Variants in WASF3 observed in about 807,000 individuals in gnomAD.
The protein encoded by WASF3 is WASP family member 3.
In WASF3, 11 loss-of-function variants were observed where a neutral mutation model predicts 46.6. That is an observed-to-expected ratio of 0.24 (90% CI 0.15 to 0.39). WASF3 has a LOEUF of 0.39. Among genes scored for constraint, WASF3 ranks in the 10% least tolerant of loss-of-function variants. The pLI, the probability that WASF3 is intolerant of heterozygous loss-of-function variation, is 1.00. For synonymous variants in WASF3, 242 were observed against 259.7 expected, an observed-to-expected ratio of 0.93 and a Z score of 0.65; for missense variants, 576 against 669.8, an observed-to-expected ratio of 0.86 and a Z score of 1.55.
intron 6 of WASF3, among the ~76,000 whole-genome samples, chr13:26,675,140 A>C (rs925457618): frequency 6.6e-6 from 1 of 151,500 alleles, no homozygotes; most frequent in African/African-American, 2.4e-5. Context: ...CCCTCTTTTA[A>C]TTTGTTTTCT....
chr13:26,557,751 C>A lies in WASF3; in HGVS notation c.-177C>A, dbSNP rs927557748. ...TGTGGTGCGAGGCGGGTGCGCCGGG[C>A]GGCCGCGGCGCGGCGGGACCATGGA... On this transcript the variant is annotated 5_prime_UTR_variant, in exon 1 of 10. Coordinates refer to ENST00000335327, the MANE Select transcript of WASF3 (RefSeq NM_006646.6). 17 of 227,856 alleles carry A rather than the reference C, an allele frequency of 7.5e-5. No homozygotes were observed. Among genetic ancestry groups the A allele is most frequent in the African/African-American group, 3.7e-4 (16 of 42,776 alleles). 14.1% of individuals were successfully genotyped at this position (227,856 alleles called of 1,614,324 possible). A position where few individuals can be genotyped will look rare whatever the true frequency, so the allele number is the denominator to read the frequency against.
intron 1 of WASF3, among the ~76,000 whole-genome samples, chr13:26,611,953 A>G (rs1880995302): frequency 6.6e-6 from 1 of 152,050 alleles, no homozygotes; most frequent in Non-Finnish European, 1.5e-5. Context: ...AGTAGACTCA[A>G]AGTTGCTTTT....
chr13:26,605,641 A>G (rs1370876796), intron 1 of WASF3, among the ~76,000 whole-genome samples: 3 of 152,226 alleles, frequency 2.0e-5, no homozygotes, highest in African/African-American at 7.2e-5. Flanking sequence ...GGATCAAAGT[A>G]TTAGGATCCA....
rs138210335 is a variant in WASF3, at chr13:26,681,402, C to T, written c.983+82C>T. ...CTATGTGGTAGGAGAATTTTAACTC[C>T]GGTATTTTAGAGGCCAAGATAGAGT... On this transcript the variant is annotated intron_variant, in intron 8 of 9. Transcript: ENST00000335327. The T allele has an allele frequency of 1.5e-3, 2,174 of 1,464,756 alleles. 54 individuals carry two copies. In the Admixed American group the frequency reaches 0.046, roughly 31 times the overall value. The allele number at this position is 1,464,756 out of a possible 1,614,324, so 90.7% of individuals were successfully genotyped here.
At chr13:26,649,386 C>T (rs528681920) in intron 3 of WASF3, among the ~76,000 whole-genome samples, 86 of 152,252 alleles carry the variant, frequency 5.6e-4, no homozygotes, top group African/African-American at 1.4e-3. Context: ...TAAGTACTTT[C>T]GAGTAGTTAT....
At chr13:26,595,120 C>T (rs1315142943) in intron 1 of WASF3, among the ~76,000 whole-genome samples, 1 of 152,172 alleles carries the variant, frequency 6.6e-6, no homozygotes. Flanking sequence ...ACCATAAAGA[C>T]TTGCAGAAAA....
intron 1 of WASF3, among the ~76,000 whole-genome samples, chr13:26,574,747 T>C (rs2137158630): frequency 1.3e-5 from 2 of 152,316 alleles, no homozygotes; most frequent in Middle Eastern, 6.8e-3. Context: ...TTTTTCTTAA[T>C]TTAAAAAATT....
intron 1 of WASF3, among the ~76,000 whole-genome samples, chr13:26,608,359 GCT>G (rs771029668): frequency 5.9e-5 from 9 of 152,058 alleles, no homozygotes; most frequent in African/African-American, 1.2e-4. Flanking sequence ...CTCTTTATTT[GCT>G]CTCTCTTAGT....
In WASF3 at chr13:26,685,858, G is replaced by A. The variant is rs772574331; in HGVS notation, c.*13G>A. 17 of 1,608,368 alleles carry A rather than the reference G, an allele frequency of 1.1e-5. No individual in the cohort carries two copies. Among genetic ancestry groups the A allele is most frequent in the Admixed American group, 1.7e-5 (1 of 59,948 alleles). The stretch of plus-strand genomic sequence containing the variant: ...CTGGTCCGACTGAGCAAAGGCCGGC[G>A]GAGAGGCCGCGTGTGGGAGCGTGTT... On this transcript the variant is annotated 3_prime_UTR_variant, in exon 10 of 10. Coordinates refer to ENST00000335327, the MANE Select transcript of WASF3 (RefSeq NM_006646.6).
At chr13:26,540,077 G>C in the WASF3 span, among the ~76,000 whole-genome samples, 7 of 152,092 alleles carry the variant, frequency 4.6e-5, no homozygotes, top group Non-Finnish European at 7.4e-5. Flanking sequence ...GACTCAAGCA[G>C]ACAGGAAGAT....
rs183522232 is a variant in WASF3, at chr13:26,564,798, T to C, written c.-109+6979T>C. Among the ~76,000 whole-genome samples, 23 of 152,292 alleles carry C rather than the reference T, an allele frequency of 1.5e-4. No individual in the cohort carries two copies. The East Asian group carries it at 4.4e-3, about 29-fold the overall frequency. Reference sequence around the variant, plus strand: ...TCATGGTTATATAATAAGCAGGACTTGATCACTACTGGGTAGTTTACACAG... The same window carrying C: ...TCATGGTTATATAATAAGCAGGACTCGATCACTACTGGGTAGTTTACACAG... On this transcript the variant is annotated intron_variant, in intron 1 of 9. Transcript: ENST00000335327.
Position 26,686,075 on chromosome 13 carries a change from A to G in WASF3, c.*230A>G, listed in dbSNP as rs1436806524. The G allele has an allele frequency of 5.8e-6, 3 of 518,720 alleles. No individual in the cohort carries two copies. Among genetic ancestry groups the G allele is most frequent in the African/African-American group, 5.7e-5 (3 of 52,928 alleles). The allele number at this position is 518,720 out of a possible 1,614,324, so 32.1% of individuals were successfully genotyped here. A position where few individuals can be genotyped will look rare whatever the true frequency, so the allele number is the denominator to read the frequency against. ...GCACATGAGGAAATAGGCTGTCACT[A>G]TCACATTGTCCTGAAAACAGCATCT... On this transcript the variant is annotated 3_prime_UTR_variant, in exon 10 of 10. Transcript: ENST00000335327.
At chr13:26,650,084 A>G (rs1882270283) in intron 3 of WASF3, among the ~76,000 whole-genome samples, 1 of 152,070 alleles carries the variant, frequency 6.6e-6, no homozygotes, top group African/African-American at 2.4e-5. Context: ...AAGCGCCCAA[A>G]ACATTTGACT....
At chr13:26,651,568 G>T (rs1390695858) in intron 3 of WASF3, among the ~76,000 whole-genome samples, 3 of 152,146 alleles carry the variant, frequency 2.0e-5, no homozygotes, top group Non-Finnish European at 4.4e-5. Flanking sequence ...AAGACATTTT[G>T]TTCAGACAAA....
intron 1 of WASF3, among the ~76,000 whole-genome samples, chr13:26,602,549 C>T (rs1169039408): frequency 6.6e-6 from 1 of 152,118 alleles, no homozygotes; most frequent in Non-Finnish European, 1.5e-5. Flanking sequence ...AAAAATGGTA[C>T]TGCTGTGTTT....
intron 1 of WASF3, chr13:26,576,740 T>C (rs1879808125): frequency 3.9e-6 from 1 of 254,222 alleles, no homozygotes; most frequent in African/African-American, 2.2e-5. Context: ...AATAACTTTA[T>C]TGTGGAACAA....
rs1883423083 is a variant in WASF3 at position 26,686,932 on chromosome 13, T to A, written c.*1087T>A. ...CACGGTGCTGGGGCCAGATTAGGGA[T>A]CACTCCCGTGAGGAGGGCCTTCACC... On this transcript the variant is annotated 3_prime_UTR_variant, in exon 10 of 10. Coordinates refer to ENST00000335327, the MANE Select transcript of WASF3 (RefSeq NM_006646.6). 2 of 152,262 alleles carry A rather than the reference T, an allele frequency of 1.3e-5. No homozygotes were observed. The highest frequency in any genetic ancestry group is 4.8e-5 in the African/African-American group (2 of 41,472). The allele number at this position is 152,262 out of a possible 1,614,324, so 9.4% of individuals were successfully genotyped here.
chr13:26,653,189 G>A (rs906624043), intron 3 of WASF3, among the ~76,000 whole-genome samples: 2 of 152,050 alleles, frequency 1.3e-5, no homozygotes, highest in South Asian at 2.1e-4. Context: ...CTCCTCCAAC[G>A]GAGCACTGGA....
Position 26,676,742 on chromosome 13 carries a change from C to G in WASF3, c.716+18C>G. ...GATACTAGGTGTGTGTGTGTCACTG[C>G]TCCCTCAGCCCTGATGCTTGGGCAA... On this transcript the variant is annotated intron_variant, in intron 7 of 9. Transcript: ENST00000335327. 1 of 1,605,748 alleles carries G rather than the reference C, an allele frequency of 6.2e-7. No homozygotes were observed. Among genetic ancestry groups the G allele is most frequent in the Non-Finnish European group, 8.5e-7 (1 of 1,175,794 alleles).
Sources: allele counts gnomAD v4.1 joint callset (sites outside exome capture counted in the v4.1 genomes callset), GRCh38; gene constraint gnomAD v4.1.1; transcripts MANE v1.5; gene names NCBI Gene and HGNC (gene_info 2026-07-23, HGNC 2026-07-21).